LSAMP: variants seen among roughly 807,000 people sequenced by gnomAD.
The protein encoded by LSAMP is limbic system associated membrane protein, also known as limbic system-associated membrane protein.
In LSAMP, 7 loss-of-function variants were observed where a neutral mutation model predicts 38.6. The ratio of observed to expected loss-of-function variants is 0.18; its 90% confidence interval spans 0.10 to 0.34. The LOEUF is 0.34. Ranked by LOEUF, LSAMP falls within the 10% of genes least tolerant of loss-of-function variation. The pLI is 1.00. For missense variants in LSAMP, 313 were observed against 420.0 expected (o/e 0.75, Z 2.23); for synonymous variants, 154 against 166.8 (o/e 0.92, Z 0.59).
chr3:116,123,221 TCA>T (rs1334270282), intron 1 of LSAMP, among the ~76,000 whole-genome samples: 1 of 152,208 alleles, frequency 6.6e-6, no homozygotes, highest in Non-Finnish European at 1.5e-5. Context: ...TGCTGCCTTC[TCA>T]TCTGGGTATG....
At chr3:116,334,725 A>G (rs2047896615) in intron 1 of LSAMP, among the ~76,000 whole-genome samples, 1 of 152,100 alleles carries the variant, frequency 6.6e-6, no homozygotes, top group African/African-American at 2.4e-5. Context: ...GAAACACTCA[A>G]CAACTAGAAA....
At chr3:115,828,336 T>C (rs1934493107) in intron 6 of LSAMP, among the ~76,000 whole-genome samples, 1 of 152,062 alleles carries the variant, frequency 6.6e-6, no homozygotes. Flanking sequence ...TTTTTTGCTG[T>C]TGTTTTTTGT....
intron 1 of LSAMP, among the ~76,000 whole-genome samples, chr3:116,202,154 T>A (rs1210666052): frequency 6.6e-6 from 1 of 151,758 alleles, no homozygotes; most frequent in African/African-American, 2.4e-5. Flanking sequence ...TTTTTTTTTT[T>A]AGGCAGAGTC....
chr3:116,007,813 G>A (rs1298786629), intron 3 of LSAMP, among the ~76,000 whole-genome samples: 4 of 152,056 alleles, frequency 2.6e-5, no homozygotes, highest in Non-Finnish European at 4.4e-5. Context: ...TCTAGTGCAG[G>A]GGTTCTGTAA....
intron 2 of LSAMP, among the ~76,000 whole-genome samples, chr3:116,066,852 C>T (rs1442210927): frequency 2.0e-5 from 3 of 152,174 alleles, no homozygotes; most frequent in Non-Finnish European, 4.4e-5. Context: ...TATCCAACTC[C>T]TATTTCCTTT....
At chr3:115,953,404 T>TACAC (rs71616336) in intron 3 of LSAMP, among the ~76,000 whole-genome samples, 1,759 of 143,688 alleles carry the variant, frequency 0.012, 33 homozygotes, top group African/African-American at 0.038. Flanking sequence ...GTAGTGTGCG[T>TACAC]ACACACACAC....
At chr3:115,955,730 A>G (rs1938433807) in intron 3 of LSAMP, among the ~76,000 whole-genome samples, 1 of 151,920 alleles carries the variant, frequency 6.6e-6, no homozygotes, top group South Asian at 2.1e-4. Context: ...GCAAAAGAAA[A>G]CCTCTCTAGT....
chr3:115,891,670 A>G (rs148664023), intron 3 of LSAMP, among the ~76,000 whole-genome samples: 116 of 152,128 alleles, frequency 7.6e-4, no homozygotes, highest in African/African-American at 2.6e-3. Context: ...CCAAGGCCCT[A>G]TTCCAAACCA....
intron 1 of LSAMP, among the ~76,000 whole-genome samples, chr3:116,253,672 CA>C (rs2046714825): frequency 6.6e-6 from 1 of 152,148 alleles, no homozygotes. Flanking sequence ...ATTTGTTTAA[CA>C]TTGTGAATCA....
At chr3:116,383,958 A>G (rs1201270657) in intron 1 of LSAMP, among the ~76,000 whole-genome samples, 2 of 152,096 alleles carry the variant, frequency 1.3e-5, no homozygotes, top group Admixed American at 6.5e-5. Context: ...TAACAGCTGC[A>G]ATCTAACTAG....
intron 4 of LSAMP, among the ~76,000 whole-genome samples, chr3:115,850,981 T>TC (rs1559850126): frequency 8.8e-5 from 12 of 136,640 alleles, no homozygotes; most frequent in Admixed American, 3.0e-4. Flanking sequence ...CTCTCTCTCT[T>TC]TTTTATTTTG....
At chr3:116,393,949 T>C (rs911381394) in intron 1 of LSAMP, among the ~76,000 whole-genome samples, 3 of 152,216 alleles carry the variant, frequency 2.0e-5, no homozygotes, top group East Asian at 1.9e-4. Flanking sequence ...ATCACTTACA[T>C]TGAAGTACTG....
At chr3:115,871,030 T>C (rs1011799623) in intron 3 of LSAMP, among the ~76,000 whole-genome samples, 57 of 151,984 alleles carry the variant, frequency 3.8e-4, no homozygotes, top group Non-Finnish European at 1.6e-4. Flanking sequence ...GGGAAAGAAA[T>C]ACATAGGAAT....
chr3:116,420,405 A>AT (rs1033249703), intron 1 of LSAMP, among the ~76,000 whole-genome samples: 19 of 151,706 alleles, frequency 1.3e-4, no homozygotes, highest in Admixed American at 4.6e-4. Context: ...GCCCAAACCC[A>AT]TTTTTTCAGA....
chr3:116,412,933 A>T (rs2048998951), intron 1 of LSAMP, among the ~76,000 whole-genome samples: 1 of 152,036 alleles, frequency 6.6e-6, no homozygotes, highest in Non-Finnish European at 1.5e-5. Context: ...CTAAATACTC[A>T]CTAAATCACT....
rs569444477 is a variant in LSAMP at position 115,866,430 on chromosome 3, T to C, written c.515-13813A>G. ...TGTAAAAATCACTGAGAATAGGTCATTTACACCCAAAGTTGAATAAGAAAA... is the reference window on the plus strand; with the variant it reads ...TGTAAAAATCACTGAGAATAGGTCACTTACACCCAAAGTTGAATAAGAAAA... On this transcript the variant is annotated intron_variant, in intron 3 of 6. Coordinates refer to ENST00000490035, the MANE Select transcript of LSAMP (RefSeq NM_002338.5). Among the ~76,000 whole-genome samples the C allele has an allele frequency of 2.0e-5, 3 of 152,254 alleles. No homozygotes were observed. The East Asian group carries it at 5.8e-4, about 29-fold the overall frequency.
chr3:116,131,242 T>C (rs140531397), intron 1 of LSAMP, among the ~76,000 whole-genome samples: 2 of 152,102 alleles, frequency 1.3e-5, no homozygotes, highest in South Asian at 2.1e-4. Flanking sequence ...CCGCCCACCT[T>C]GGCCTCCCTA....
chr3:115,835,807 C>G (rs898666675), intron 6 of LSAMP, among the ~76,000 whole-genome samples: 1 of 152,216 alleles, frequency 6.6e-6, no homozygotes, highest in East Asian at 1.9e-4. Flanking sequence ...TGAAAGTTTC[C>G]TAAGTCCATT....
chr3:116,111,882 AG>A (rs1553704872), intron 1 of LSAMP, among the ~76,000 whole-genome samples: 2 of 152,224 alleles, frequency 1.3e-5, no homozygotes, highest in Non-Finnish European at 2.9e-5. Context: ...AACAAAATCA[AG>A]GGGACCCTAG....
Sources: allele counts gnomAD v4.1 joint callset (sites outside exome capture counted in the v4.1 genomes callset), GRCh38; gene constraint gnomAD v4.1.1; transcripts MANE v1.5; gene names NCBI Gene and HGNC (gene_info 2026-07-23, HGNC 2026-07-21).